The following RCAN3 variants were observed in gnomAD, a reference collection of about 807,000 sequenced individuals.
RCAN3 encodes the protein calcipressin-3.
RCAN3 carries 19 observed loss-of-function variants against 21.9 expected under a neutral mutation model. The observed-to-expected ratio is 0.87, with a 90% CI of 0.61 to 1.27. The LOEUF (loss-of-function observed/expected upper bound fraction) is 1.27, where lower values mean the gene tolerates loss of function less well. RCAN3 is among the 50% of genes most tolerant of loss of function. The probability of loss-of-function intolerance (pLI) is 0.00; values close to 1 mark genes in which losing one functional copy is unlikely to be tolerated. For missense variants in RCAN3, 240 were observed against 300.1 expected, an observed-to-expected ratio of 0.80 and a Z score of 1.48; for synonymous variants, 114 against 112.3, an observed-to-expected ratio of 1.01 and a Z score of -0.09.
At chr1:24,509,414 A>G (rs1647710874) in intron 1 of RCAN3, among the ~76,000 whole-genome samples, 3 of 152,226 alleles carry the variant, frequency 2.0e-5, no homozygotes, top group Non-Finnish European at 4.4e-5. Flanking sequence ...CCATTGCTTT[A>G]TCAACTAAGT....
intron 2 of RCAN3, among the ~76,000 whole-genome samples, chr1:24,524,861 G>A (rs563641724): frequency 1.5e-5 from 2 of 130,342 alleles, no homozygotes; most frequent in South Asian, 2.4e-4. Flanking sequence ...ACAGGGTCTC[G>A]CTCTGTTCCC....
intron 2 of RCAN3, among the ~76,000 whole-genome samples, chr1:24,528,410 C>T (rs867075689): frequency 1.3e-5 from 2 of 152,244 alleles, no homozygotes; most frequent in Middle Eastern, 6.8e-3. Flanking sequence ...TGTTTATTTA[C>T]ATACAGGCAC....
intron 3 of RCAN3, among the ~76,000 whole-genome samples, chr1:24,532,766 G>A (rs1339173214): frequency 2.0e-5 from 3 of 150,632 alleles, no homozygotes; most frequent in Non-Finnish European, 4.4e-5. Context: ...GGCTAACACA[G>A]TGCAACCCCG....
intron 3 of RCAN3, 75 bp from the exon 4 acceptor site, chr1:24,533,008 A>C: frequency 2.2e-6 from 2 of 898,470 alleles, no homozygotes; most frequent in Admixed American, 7.1e-5. Context: ...AAGATGGAAC[A>C]GTCAACATAA....
chr1:24,528,775 C>G (rs757995217), intron 2 of RCAN3, among the ~76,000 whole-genome samples: 1 of 152,180 alleles, frequency 6.6e-6, no homozygotes, highest in Non-Finnish European at 1.5e-5. Context: ...TCTAATAGAT[C>G]TTTCCTGATA....
chr1:24,533,176 G>C lies in RCAN3; in HGVS notation c.463G>C (p.Val155Leu), dbSNP rs760454730. The C allele has an allele frequency of 6.2e-7, 1 of 1,607,312 alleles. No homozygotes were observed. The highest frequency in any genetic ancestry group is 1.1e-5 in the South Asian group (1 of 89,922). Residue 155 changes from valine (V) to leucine (L), a missense_variant, in exon 4 of 5, where the codon GTG (valine) becomes CTG (leucine). Transcript: ENST00000374395. ...CATCTCCCCTCCAGCCTCTCCCCCG[G>C]TGGGGTGGAAGCAGAGCGAAGATGC... ...FLISPPASPPVGWKQSEDAMP... is the reference protein window; with the variant it reads ...FLISPPASPPLGWKQSEDAMP...
In RCAN3 at chr1:24,537,539, A is replaced by G. The variant is rs1334722536; in HGVS notation, c.*2262A>G. ...AACAAATTTACAAGAGATAAGTCTC[A>G]TGGTTTTTTTTTTCTTTTAATAGGC... On this transcript the variant is annotated 3_prime_UTR_variant, in exon 5 of 5. Transcript: ENST00000374395. 6.6e-6 allele frequency: 1 copy of G among 151,954 alleles called. No homozygotes were observed. Among genetic ancestry groups the G allele is most frequent in the Non-Finnish European group, 1.5e-5 (1 of 67,988 alleles). 9.4% of individuals were successfully genotyped at this position (151,954 alleles called of 1,614,324 possible).
chr1:24,517,084 G>GC (rs1553150606), intron 2 of RCAN3, among the ~76,000 whole-genome samples: 2 of 146,864 alleles, frequency 1.4e-5, no homozygotes, highest in East Asian at 4.0e-4. Context: ...CTATTTTTTT[G>GC]TTTTTTTTTG....
rs986682130 is a variant in RCAN3 at position 24,536,422 on chromosome 1, G to T, written c.*1145G>T. The T allele has an allele frequency of 1.3e-5, 2 of 152,192 alleles. No individual in the cohort carries two copies. Among genetic ancestry groups the T allele is most frequent in the African/African-American group, 4.8e-5 (2 of 41,432 alleles). 9.4% of individuals were successfully genotyped at this position (152,192 alleles called of 1,614,324 possible). A position where few individuals can be genotyped will look rare whatever the true frequency, so the allele number is the denominator to read the frequency against. On this transcript the variant is annotated 3_prime_UTR_variant, in exon 5 of 5. Transcript: ENST00000374395. Reference sequence around the variant, plus strand: ...TGCAGTTGGCACTTTTCCTAAAACAGAATTGTTTCCCACTTAGGTGTCAGA... The same window carrying T: ...TGCAGTTGGCACTTTTCCTAAAACATAATTGTTTCCCACTTAGGTGTCAGA...
At chr1:24,532,487 A>T (rs1018658855) in intron 3 of RCAN3, among the ~76,000 whole-genome samples, 6 of 150,120 alleles carry the variant, frequency 4.0e-5, no homozygotes, top group African/African-American at 1.5e-4. Context: ...TCGGCCTCCC[A>T]AAGTGCTGGG....
At chr1:24,531,678 AC>A (rs1460058616) in intron 3 of RCAN3, among the ~76,000 whole-genome samples, 1 of 152,094 alleles carries the variant, frequency 6.6e-6, no homozygotes, top group Non-Finnish European at 1.5e-5. Flanking sequence ...ACGCCCTGAC[AC>A]CCTAGTGTTC....
chr1:24,511,773 G>A (rs1297387493), intron 1 of RCAN3, among the ~76,000 whole-genome samples: 3 of 152,194 alleles, frequency 2.0e-5, no homozygotes, highest in Non-Finnish European at 4.4e-5. Flanking sequence ...GTTGTGACAA[G>A]CCTTCACTTT....
rs951373228 is a variant in RCAN3, at chr1:24,538,270, C to G, written c.*2993C>G. 6.6e-6 allele frequency: 1 copy of G among 152,180 alleles called. No homozygotes were observed. The highest frequency in any genetic ancestry group is 2.4e-5 in the African/African-American group (1 of 41,438). The allele number at this position is 152,180 out of a possible 1,614,324, so 9.4% of individuals were successfully genotyped here. On this transcript the variant is annotated 3_prime_UTR_variant, in exon 5 of 5. Transcript: ENST00000374395. ...AAACTCAGCTGGAAAGCAAATTAGTCTTTTCACATTCTGCTTCTTCAAAAT... is the reference window on the plus strand; with the variant it reads ...AAACTCAGCTGGAAAGCAAATTAGTGTTTTCACATTCTGCTTCTTCAAAAT...
intron 1 of RCAN3, among the ~76,000 whole-genome samples, chr1:24,506,405 C>T (rs1647445093): frequency 6.6e-6 from 1 of 152,104 alleles, no homozygotes; most frequent in African/African-American, 2.4e-5. Flanking sequence ...ATGCATTTGA[C>T]AAATTATGTA....
At chr1:24,518,168 A>T (rs550647929) in intron 2 of RCAN3, among the ~76,000 whole-genome samples, 60 of 151,822 alleles carry the variant, frequency 4.0e-4, no homozygotes, top group African/African-American at 1.2e-3. Flanking sequence ...CTATAAAAAA[A>T]TTTTTTTTTC....
rs1647210044 is a variant in RCAN3, at chr1:24,503,116, A to C, written c.-94A>C. On this transcript the variant is annotated 5_prime_UTR_variant, in exon 1 of 5. Coordinates refer to ENST00000374395, the MANE Select transcript of RCAN3 (RefSeq NM_013441.4). ...CCCGTCCTGCGGCGGCGGGGCGTGC[A>C]GGTGAGGCCCCACGGCGCCCGGCCT... The C allele has an allele frequency of 7.4e-6, 1 of 135,470 alleles. No individual in the cohort carries two copies. Among genetic ancestry groups the C allele is most frequent in the Non-Finnish European group, 1.6e-5 (1 of 62,766 alleles). The allele number at this position is 135,470 out of a possible 1,614,324, so 8.4% of individuals were successfully genotyped here.
At chr1:24,505,181 C>T (rs892618467) in intron 1 of RCAN3, among the ~76,000 whole-genome samples, 2 of 147,550 alleles carry the variant, frequency 1.4e-5, no homozygotes, top group South Asian at 2.1e-4. Flanking sequence ...TTCGCATTGA[C>T]GATCCTAAGT....
At chr1:24,516,137 A>G (rs1648299047) in intron 2 of RCAN3, among the ~76,000 whole-genome samples, 1 of 151,630 alleles carries the variant, frequency 6.6e-6, no homozygotes, top group Non-Finnish European at 1.5e-5. Context: ...AGCGAGACTC[A>G]GTCTCAAGAA....
chr1:24,505,432 G>A (rs111585809), intron 1 of RCAN3, among the ~76,000 whole-genome samples: 2,051 of 151,462 alleles, frequency 0.014, 59 homozygotes, highest in African/African-American at 0.047. Flanking sequence ...CATGTTGCCC[G>A]GGCTGGTCTC....
Sources: gnomAD v4.1 joint callset for allele counts (sites outside exome capture counted in the v4.1 genomes callset) on GRCh38, gnomAD v4.1.1 for gene constraint, MANE v1.5 for transcripts, NCBI Gene and HGNC (gene_info 2026-07-23, HGNC 2026-07-21) for gene names.